TLN2: variants seen among roughly 807,000 people sequenced by gnomAD.
TLN2 encodes the protein talin-2.
In TLN2, 118 loss-of-function variants were observed where a neutral mutation model predicts 294.7. The ratio of observed to expected loss-of-function variants is 0.40; its 90% CI spans 0.34 to 0.47. The LOEUF (loss-of-function observed/expected upper bound fraction) is 0.47, where lower values mean the gene tolerates loss of function less well. Among genes scored for constraint, TLN2 ranks in the 20% least tolerant of loss-of-function variants. TLN2 has a pLI of 0.84. For synonymous variants in TLN2, 1,431 were observed against 1,304.5 expected, an observed-to-expected ratio of 1.10 and a Z score of -2.09; for missense variants, 3,083 against 3,282.2, an observed-to-expected ratio of 0.94 and a Z score of 1.48.
intron 1 of TLN2, among the ~76,000 whole-genome samples, chr15:62,568,473 G>A (rs1256300233): frequency 6.6e-6 from 1 of 152,228 alleles, no homozygotes; most frequent in East Asian, 1.9e-4. Flanking sequence ...AAGGTAGGGA[G>A]TGATGAACTC....
chr15:62,394,483 A>T (rs2032367214), intron 1 of TLN2, among the ~76,000 whole-genome samples: 1 of 152,246 alleles, frequency 6.6e-6, no homozygotes, highest in African/African-American at 2.4e-5. Context: ...CTTTTTAATT[A>T]CAGTACTTTC....
At position 62,753,917 on chromosome 15, in the gene TLN2, G is replaced by A; in HGVS notation, c.4476+1G>A. 6.3e-7 allele frequency: 1 copy of A among 1,598,830 alleles called. No individual in the cohort carries two copies. The highest frequency in any genetic ancestry group is 8.5e-7 in the Non-Finnish European group (1 of 1,172,466). On this transcript the variant is annotated splice_donor_variant, in intron 36 of 58. Coordinates refer to ENST00000636159, the MANE Select transcript of TLN2 (RefSeq NM_015059.3). LOFTEE classifies it high-confidence loss of function. Reference sequence around the variant, plus strand: ...GGACCCTGGCAGCAGCCCATCACAGGTAACTGTTGGGGAGGATGTAAGATT... The same window carrying A: ...GGACCCTGGCAGCAGCCCATCACAGATAACTGTTGGGGAGGATGTAAGATT...
chr15:62,763,550 C>T lies in TLN2; in HGVS notation c.4962-13C>T, dbSNP rs369959041. On this transcript the variant is annotated splice_polypyrimidine_tract_variant and intron_variant, in intron 39 of 58. Coordinates refer to ENST00000636159, the MANE Select transcript of TLN2 (RefSeq NM_015059.3). Reference sequence around the variant, plus strand: ...CCATGGAGCCTGTGTCCAACTTGCACTATTCCTTCCAGGGACAAGGCCCCT... The same window carrying T: ...CCATGGAGCCTGTGTCCAACTTGCATTATTCCTTCCAGGGACAAGGCCCCT... 1.8e-5 allele frequency: 28 copies of T among 1,599,946 alleles called. No homozygotes were observed. In the African/African-American group the frequency reaches 3.5e-4, roughly 20 times the overall value.
At chr15:62,553,426 G>A (rs933687681) in intron 1 of TLN2, among the ~76,000 whole-genome samples, 1 of 151,974 alleles carries the variant, frequency 6.6e-6, no homozygotes, top group Admixed American at 6.6e-5. Flanking sequence ...CGGAGGTTGC[G>A]GCGAGCCGAG....
chr15:62,588,697 T>TATA (rs1555437976), intron 1 of TLN2, among the ~76,000 whole-genome samples: 1 of 125,640 alleles, frequency 8.0e-6, no homozygotes, highest in Non-Finnish European at 1.6e-5. Flanking sequence ...TATATATATA[T>TATA]ATATATATAT....
At chr15:62,415,254 T>G (rs1595753088) in intron 1 of TLN2, among the ~76,000 whole-genome samples, 1 of 141,524 alleles carries the variant, frequency 7.1e-6, no homozygotes, top group South Asian at 2.7e-4. Flanking sequence ...TGGACAGATT[T>G]CTGGGAGGAA....
chr15:62,452,319 G>T (rs1053302765), intron 1 of TLN2, among the ~76,000 whole-genome samples: 1 of 152,092 alleles, frequency 6.6e-6, no homozygotes, highest in Non-Finnish European at 1.5e-5. Flanking sequence ...ATTTCCTTTT[G>T]CATTGTGTAA....
At chr15:62,495,961 A>G (rs1411938207) in intron 1 of TLN2, among the ~76,000 whole-genome samples, 1 of 152,132 alleles carries the variant, frequency 6.6e-6, no homozygotes, top group Non-Finnish European at 1.5e-5. Flanking sequence ...AAAAAAAACA[A>G]AAACCAAAAA....
intron 1 of TLN2, among the ~76,000 whole-genome samples, chr15:62,492,062 GTAAGC>G (rs2038760142): frequency 6.6e-6 from 1 of 151,982 alleles, no homozygotes; most frequent in Non-Finnish European, 1.5e-5. Flanking sequence ...AAATTTATGA[GTAAGC>G]TAAGTTATTC....
chr15:62,417,067 C>A (rs1381278840), intron 1 of TLN2, among the ~76,000 whole-genome samples: 2 of 152,078 alleles, frequency 1.3e-5, no homozygotes, highest in African/African-American at 2.4e-5. Context: ...TTGGAGTTGA[C>A]GTTGGGGAGT....
intron 3 of TLN2, among the ~76,000 whole-genome samples, chr15:62,622,228 C>T (rs760311938): frequency 2.0e-5 from 3 of 152,098 alleles, no homozygotes; most frequent in Non-Finnish European, 4.4e-5. Context: ...AAAATTAAAA[C>T]GACTCACTCC....
chr15:62,584,938 C>T (rs889539999), intron 1 of TLN2, among the ~76,000 whole-genome samples: 2 of 151,966 alleles, frequency 1.3e-5, no homozygotes, highest in Non-Finnish European at 2.9e-5. Flanking sequence ...GTTATAAAAG[C>T]TTTTTTTTAA....
At chr15:62,423,372 A>AAAAAC (rs771263523) in intron 1 of TLN2, among the ~76,000 whole-genome samples, 19 of 152,186 alleles carry the variant, frequency 1.2e-4, no homozygotes, top group African/African-American at 2.6e-4. Context: ...CCCTTTTTTA[A>AAAAAC]AAAACAAAAC....
At chr15:62,810,634 G>C (rs532359407) in intron 52 of TLN2, among the ~76,000 whole-genome samples, 1 of 150,926 alleles carries the variant, frequency 6.6e-6, no homozygotes. Context: ...GGCTGCCCAC[G>C]TGGGAGCCTC....
Position 62,701,118 on chromosome 15 carries a change from T to C in TLN2, c.1600T>C (p.Trp534Arg), listed in dbSNP as rs2058694715. ...TCTGGCTTTGCAGGCATCTAGGGTA[T>C]GGGTTCAGAACAAAGTCGACGAATC... ...PLGQDMASRV[W>R]VQNKVDESKH... is the part of the protein sequence containing the mutation. Residue 534 changes from tryptophan (W) to arginine (R), a missense_variant, in exon 17 of 59, where the codon TGG becomes CGG. Coordinates refer to ENST00000636159, the MANE Select transcript of TLN2 (RefSeq NM_015059.3). 3 of 1,613,942 alleles carry C rather than the reference T, an allele frequency of 1.9e-6. No homozygotes were observed. Among genetic ancestry groups the C allele is most frequent in the Non-Finnish European group, 2.5e-6 (3 of 1,180,008 alleles).
At chr15:62,576,595 ATTTTTT>A (rs3055751) in intron 1 of TLN2, among the ~76,000 whole-genome samples, 3 of 103,048 alleles carry the variant, frequency 2.9e-5, no homozygotes, top group Admixed American at 1.2e-4. Flanking sequence ...ATTGCTCTGT[ATTTTTT>A]TTTTTTTTTT....
chr15:62,771,166 G>T (rs1421593714), intron 42 of TLN2, 32 bp downstream of exon 42: 2 of 1,558,562 alleles, frequency 1.3e-6, no homozygotes, highest in African/African-American at 1.4e-5. Flanking sequence ...ACTCACTTAG[G>T]ACCACTAAGA....
rs766710014 is a variant in TLN2 at position 62,717,643 on chromosome 15, C to G, written c.2831C>G (p.Ser944Cys). The change falls in exon 24 of 59, where the codon TCC (serine) becomes TGC (cysteine). Residue 944 changes from serine (S) to cysteine (C), a missense_variant. Physicochemically the swap from Ser to Cys is moderately radical, Grantham distance 112. Coordinates refer to ENST00000636159, the MANE Select transcript of TLN2 (RefSeq NM_015059.3). ...GCCGCCTCCCAGAATGCAGCTGTTT[C>G]CAACAAGAACCCTGCGGCCCAGCAG... ...TIAASQNAAV[S>C]NKNPAAQQQL... is the part of the protein sequence containing the mutation. The G allele has an allele frequency of 1.6e-5, 25 of 1,605,112 alleles. No individual in the cohort carries two copies. Among genetic ancestry groups the G allele is most frequent in the Non-Finnish European group, 1.4e-5 (16 of 1,176,368 alleles).
intron 1 of TLN2, among the ~76,000 whole-genome samples, chr15:62,506,236 G>A (rs574539488): frequency 1.3e-5 from 2 of 152,086 alleles, no homozygotes; most frequent in African/African-American, 4.8e-5. Context: ...GGTTCCAAGA[G>A]TGTGGCAGTG....
Sources: allele counts gnomAD v4.1 joint callset (sites outside exome capture counted in the v4.1 genomes callset), GRCh38; gene constraint gnomAD v4.1.1; transcripts MANE v1.5; gene names NCBI Gene and HGNC (gene_info 2026-07-23, HGNC 2026-07-21).